Variants in SSC5D observed in about 807,000 individuals in gnomAD.
SSC5D encodes the protein soluble scavenger receptor cysteine-rich domain-containing protein SSC5D.
Under a neutral mutation model 104.6 loss-of-function variants are expected in SSC5D, and 106 were observed. The observed-to-expected ratio is 1.01, with a 90% CI of 0.87 to 1.19. SSC5D has a LOEUF of 1.19. Among genes scored for constraint, SSC5D ranks in the 50% most tolerant of loss-of-function variants. The pLI is 0.00. For synonymous variants in SSC5D, 860 were observed against 883.5 expected (o/e 0.97, Z 0.47); for missense variants, 1,993 against 2,153.8 (o/e 0.93, Z 1.48).
In SSC5D at chr19:55,499,910, G is replaced by A. The variant is rs961181051; in HGVS notation, c.1800G>A (p.Leu600=). Reference sequence around the variant, plus strand: ...GGGATGCCTGGCTCCCGGGAGAGCTGGCCACCAAGCCCTCTGCAAGTGTGA... The same window carrying A: ...GGGATGCCTGGCTCCCGGGAGAGCTAGCCACCAAGCCCTCTGCAAGTGTGA... ...RDRDAWLPGE[L]ATKPSASVTA... is the part of the protein sequence containing the mutation. Residue 600 remains leucine (L), a synonymous_variant, in exon 10 of 14, where the codon CTG becomes CTA. Coordinates refer to ENST00000389623, the MANE Select transcript of SSC5D (RefSeq NM_001144950.2). 4 of 1,551,612 alleles carry A rather than the reference G, an allele frequency of 2.6e-6. No individual in the cohort carries two copies. Among genetic ancestry groups the A allele is most frequent in the African/African-American group, 1.4e-5 (1 of 72,982 alleles).
Position 55,517,541 on chromosome 19 carries a change from A to G in SSC5D, c.3265A>G (p.Thr1089Ala). Residue 1089 changes from threonine to alanine, a missense_variant, in exon 14 of 14, where the codon ACG (threonine) becomes GCG (alanine). By Grantham distance (58) the Thr-to-Ala change is moderately conservative. This residue lies in a region of SSC5D where 423 missense variants were observed against 409.2 expected (regional missense o/e 1.03). Transcript: ENST00000389623. ...VPALTPEPSPTPLPTLPKELT... is the reference protein window; with the variant it reads ...VPALTPEPSPAPLPTLPKELT... Reference sequence around the variant, plus strand: ...CGCGTTGACCCCGGAGCCCTCACCCACGCCCTTACCCACCTTGCCCAAAGA... The same window carrying G: ...CGCGTTGACCCCGGAGCCCTCACCCGCGCCCTTACCCACCTTGCCCAAAGA... 1 of 1,550,158 alleles carries G rather than the reference A, an allele frequency of 6.5e-7. No individual in the cohort carries two copies. The highest frequency in any genetic ancestry group is 1.2e-5 in the South Asian group (1 of 83,986).
At chr19:55,512,295 A>G in intron 12 of SSC5D, among the ~76,000 whole-genome samples, 1 of 149,708 alleles carries the variant, frequency 6.7e-6, no homozygotes, top group East Asian at 2.0e-4. Flanking sequence ...TGGCATACAT[A>G]TATGTATATA....
At chr19:55,514,594 CTG>C (rs1278545521) in intron 13 of SSC5D, among the ~76,000 whole-genome samples, 1 of 137,260 alleles carries the variant, frequency 7.3e-6, no homozygotes, top group Non-Finnish European at 1.5e-5. Context: ...GAGAAAGACT[CTG>C]TTAAAAAAAA....
intron 8 of SSC5D, among the ~76,000 whole-genome samples, 174 bp from the exon 9 acceptor site, chr19:55,497,706 T>C (rs1168177341): frequency 6.6e-6 from 1 of 151,728 alleles, no homozygotes; most frequent in Non-Finnish European, 1.5e-5. Flanking sequence ...ATGCAGAAAA[T>C]GGCACAAAAA....
In SSC5D at chr19:55,489,506, G is replaced by A. The variant is rs780476221; in HGVS notation, c.205G>A (p.Ala69Thr). ...RQLGCGGALA[A>T]PGGAFFGEGA... is the part of the protein sequence containing the mutation. ...GCTGGGCTGCGGAGGGGCACTGGCC[G>A]CCCCGGGAGGCGCCTTCTTCGGGGA... The change falls in exon 3 of 14, where the codon GCC becomes ACC. Residue 69 changes from alanine to threonine, a missense_variant. Around this residue, in one of 6 missense-constraint regions of SSC5D, gnomAD observed 1,101 missense variants for 1,085.0 expected, o/e 1.01. Coordinates refer to ENST00000389623, the MANE Select transcript of SSC5D (RefSeq NM_001144950.2). The A allele has an allele frequency of 1.6e-5, 24 of 1,466,180 alleles. No homozygotes were observed. The highest frequency in any genetic ancestry group is 9.7e-5 in the South Asian group (7 of 72,420). 90.8% of individuals were successfully genotyped at this position (1,466,180 alleles called of 1,614,324 possible). A position where few individuals can be genotyped will look rare whatever the true frequency, so the allele number is the denominator to read the frequency against.
chr19:55,516,773 T>C (rs1357864937), intron 13 of SSC5D, among the ~76,000 whole-genome samples: 2 of 152,214 alleles, frequency 1.3e-5, no homozygotes, highest in Non-Finnish European at 2.9e-5. Flanking sequence ...AAAGTATTTA[T>C]TTTGATTACT....
Position 55,493,817 on chromosome 19 carries a change from G to A in SSC5D, c.1118G>A (p.Cys373Tyr). 1 of 1,549,468 alleles carries A rather than the reference G, an allele frequency of 6.5e-7. No homozygotes were observed. The part of the protein sequence containing the change: ...SGPIILDDLR[C>Y]RGNETALRFC... Reference sequence around the variant, plus strand: ...CCCATCATCCTGGACGACCTTCGGTGTCGGGGAAACGAGACGGCCTTACGA... The same window carrying A: ...CCCATCATCCTGGACGACCTTCGGTATCGGGGAAACGAGACGGCCTTACGA... Residue 373 changes from cysteine (C) to tyrosine (Y), a missense_variant, in exon 7 of 14, where the codon TGT (cysteine) becomes TAT (tyrosine). Physicochemically the swap from Cys to Tyr is radical, Grantham distance 194. Coordinates refer to ENST00000389623, the MANE Select transcript of SSC5D (RefSeq NM_001144950.2).
chr19:55,500,309 C>A lies in SSC5D; in HGVS notation c.2199C>A (p.Ile733=). ...EMTSESTIKS[I]PQASLEPSAE... The stretch of plus-strand genomic sequence containing the variant: ...CCTCTGAGTCCACTATCAAGAGTAT[C>A]CCTCAGGCCTCCCTGGAGCCATCTG... The change falls in exon 10 of 14, where the codon ATC becomes ATA. Residue 733 remains isoleucine, a synonymous_variant. Transcript: ENST00000389623. The surrounding 1 kb of genome is among the most constrained non-coding windows in gnomAD (Gnocchi z 4.6). 2.6e-6 allele frequency: 4 copies of A among 1,551,608 alleles called. No homozygotes were observed. The highest frequency in any genetic ancestry group is 3.5e-6 in the Non-Finnish European group (4 of 1,146,994).
At chr19:55,505,176 A>AATATTGTT (rs1987612804) in intron 12 of SSC5D, among the ~76,000 whole-genome samples, 1 of 151,718 alleles carries the variant, frequency 6.6e-6, no homozygotes, top group African/African-American at 2.4e-5. Context: ...AAAACCGCAG[A>AATATTGTT]ATATTGTTTG....
chr19:55,496,614 T>C (rs999048858), intron 8 of SSC5D, among the ~76,000 whole-genome samples: 1 of 152,158 alleles, frequency 6.6e-6, no homozygotes, highest in Non-Finnish European at 1.5e-5. Context: ...TAGGTCTCCA[T>C]GTTACAGATG....
rs1987073615 is a variant in SSC5D, at chr19:55,489,640, G to A, written c.339G>A (p.Glu113=). ...GWKAHICSHE[E]DAGVVCAGQR... is the part of the protein sequence containing the mutation. ...AGGCCCACATCTGCTCCCACGAGGAGGACGCGGGCGTCGTCTGCGCAGGTG... is the reference window on the plus strand; with the variant it reads ...AGGCCCACATCTGCTCCCACGAGGAAGACGCGGGCGTCGTCTGCGCAGGTG... Residue 113 remains glutamate (E), a synonymous_variant, in exon 3 of 14, where the codon GAG becomes GAA. Transcript: ENST00000389623. 6.5e-7 allele frequency: 1 copy of A among 1,533,300 alleles called. No individual in the cohort carries two copies. Among genetic ancestry groups the A allele is most frequent in the South Asian group, 1.2e-5 (1 of 83,736 alleles). The allele number at this position is 1,533,300 out of a possible 1,614,324, so 95.0% of individuals were successfully genotyped here.
intron 12 of SSC5D, among the ~76,000 whole-genome samples, chr19:55,507,112 C>T (rs184536796): frequency 1.1e-4 from 17 of 150,882 alleles, no homozygotes; most frequent in East Asian, 6.0e-4. Context: ...GAGGCCACAG[C>T]GAGCCAAGAT....
Position 55,517,815 on chromosome 19 carries a change from A to G in SSC5D, c.3539A>G (p.His1180Arg). 1 of 1,316,604 alleles carries G rather than the reference A, an allele frequency of 7.6e-7. No individual in the cohort carries two copies. The allele number at this position is 1,316,604 out of a possible 1,614,324, so 81.6% of individuals were successfully genotyped here. The change falls in exon 14 of 14, where the codon CAC becomes CGC. Residue 1180 changes from histidine (H) to arginine (R), a missense_variant. His to Arg is a conservative substitution (Grantham distance 29, BLOSUM62 0). Around this residue, in one of 6 missense-constraint regions of SSC5D, gnomAD observed 30 missense variants for 52.4 expected, o/e 0.57. Transcript: ENST00000389623. ...ACCCCTCACTTCCCTACCACCCCTC[A>G]CCCCACCACGACCCCTCACCCCACC... ...TVTPHFPTTP[H>R]PTTTPHPTTI...
At position 55,513,003 on chromosome 19, in the gene SSC5D, C is replaced by T. The variant is rs1987789623; in HGVS notation, c.2786-8C>T. The T allele has an allele frequency of 6.4e-7, 1 of 1,551,832 alleles. No homozygotes were observed. Among genetic ancestry groups the T allele is most frequent in the Admixed American group, 2.0e-5 (1 of 50,976 alleles). On this transcript the variant is annotated splice_region_variant and splice_polypyrimidine_tract_variant and intron_variant, in intron 12 of 13. Transcript: ENST00000389623. ...GAAGACTCAATCCTCTTCCCCATAT[C>T]TCTCTAGGCAGCAAAGATGGTTACA...
In SSC5D at chr19:55,517,855, C is replaced by T; in HGVS notation, c.3579C>T (p.Ser1193=). 6.5e-7 allele frequency: 1 copy of T among 1,545,796 alleles called. No homozygotes were observed. The highest frequency in any genetic ancestry group is 2.0e-5 in the Admixed American group (1 of 50,488). Residue 1193 remains serine (S), a synonymous_variant, in exon 14 of 14, where the codon TCC becomes TCT. Coordinates refer to ENST00000389623, the MANE Select transcript of SSC5D (RefSeq NM_001144950.2). ...TTPHPTTITH[S]TMIPDPTTTP... is the part of the protein sequence containing the mutation. ...CTCACCCCACCACCATCACTCACTCCACCATGATTCCTGACCCCACCACAA... is the reference window on the plus strand; with the variant it reads ...CTCACCCCACCACCATCACTCACTCTACCATGATTCCTGACCCCACCACAA...
At chr19:55,510,867 T>C (rs1222747125) in intron 12 of SSC5D, among the ~76,000 whole-genome samples, 1 of 151,410 alleles carries the variant, frequency 6.6e-6, no homozygotes. Flanking sequence ...CAACCTCTCC[T>C]TCATGGGTTC....
chr19:55,513,153 G>C lies in SSC5D; in HGVS notation c.2928G>C (p.Leu976=). 1 of 1,513,490 alleles carries C rather than the reference G, an allele frequency of 6.6e-7. No individual in the cohort carries two copies. Among genetic ancestry groups the C allele is most frequent in the South Asian group, 1.3e-5 (1 of 78,154 alleles). 93.8% of individuals were successfully genotyped at this position (1,513,490 alleles called of 1,614,324 possible). A position where few individuals can be genotyped will look rare whatever the true frequency, so the allele number is the denominator to read the frequency against. Residue 976 remains leucine (L), a synonymous_variant, in exon 13 of 14, where the codon CTG becomes CTC. Transcript: ENST00000389623. ...GGAGCCCAGGCAGTCCTCCAACTCT[G>C]AGAGTCCATGGAGACACAGGTGAGA... ...TTRSPGSPPT[L]RVHGDTGSPR... is the part of the protein sequence containing the mutation.
At position 55,490,756 on chromosome 19, in the gene SSC5D, C is replaced by T. The variant is rs1987116161; in HGVS notation, c.587-16C>T. ...TTCTCACTGGCCACACCGTCCCCTC[C>T]CTGCTCACCCCACAGAGCGGCTGCG... On this transcript the variant is annotated splice_polypyrimidine_tract_variant and intron_variant, in intron 5 of 13. Coordinates refer to ENST00000389623, the MANE Select transcript of SSC5D (RefSeq NM_001144950.2). 6.7e-7 allele frequency: 1 copy of T among 1,485,836 alleles called. No individual in the cohort carries two copies. Among genetic ancestry groups the T allele is most frequent in the Non-Finnish European group, 8.9e-7 (1 of 1,121,968 alleles). The allele number at this position is 1,485,836 out of a possible 1,614,324, so 92.0% of individuals were successfully genotyped here. A position where few individuals can be genotyped will look rare whatever the true frequency, so the allele number is the denominator to read the frequency against.
rs1326160717 is a variant in SSC5D, at chr19:55,518,877, G to A, written c.4601G>A (p.Gly1534Asp). 6.5e-7 allele frequency: 1 copy of A among 1,550,296 alleles called. No homozygotes were observed. Among genetic ancestry groups the A allele is most frequent in the Non-Finnish European group, 8.7e-7 (1 of 1,146,990 alleles). ...ACGCAGCTGGTAGAAGCTGCCCGGG[G>A]TCTGGGGCAGCTGGGTGAGGCTGTG... Reference protein sequence around the residue: ...GLTQLVEAARGLGQLGEAVKR... With the variant: ...GLTQLVEAARDLGQLGEAVKR... Residue 1534 changes from glycine (G) to aspartate (D), a missense_variant, in exon 14 of 14, where the codon GGT becomes GAT. Around this residue, in one of 6 missense-constraint regions of SSC5D, gnomAD observed 349 missense variants for 397.6 expected, o/e 0.88. Coordinates refer to ENST00000389623, the MANE Select transcript of SSC5D (RefSeq NM_001144950.2).
Sources: allele counts gnomAD v4.1 joint callset (sites outside exome capture counted in the v4.1 genomes callset), GRCh38; gene constraint gnomAD v4.1.1; regional missense constraint gnomAD v4.1.1; non-coding constraint Gnocchi (gnomAD v3.1); transcripts MANE v1.5; gene names NCBI Gene and HGNC (gene_info 2026-07-23, HGNC 2026-07-21).